The following PDE7B variants were observed in gnomAD, a reference collection of about 807,000 sequenced individuals.
The protein encoded by PDE7B is phosphodiesterase 7B.
Under a neutral mutation model 56.2 loss-of-function variants are expected in PDE7B, and 29 were observed. The ratio of observed to expected loss-of-function variants is 0.52; its 90% CI spans 0.38 to 0.70. The LOEUF (loss-of-function observed/expected upper bound fraction) is 0.70, where lower values mean the gene tolerates loss of function less well. Ranked by LOEUF, PDE7B falls within the 30% of genes least tolerant of loss-of-function variation. The pLI is 0.00. For missense variants in PDE7B, 490 were observed against 565.0 expected (o/e 0.87, Z 1.35); for synonymous variants, 197 against 196.9 (o/e 1.00, Z 0.00).
intron 8 of PDE7B, among the ~76,000 whole-genome samples, chr6:136,171,466 G>T (rs1173554572): frequency 1.3e-5 from 2 of 152,134 alleles, no homozygotes; most frequent in Non-Finnish European, 1.5e-5. Flanking sequence ...CAGCTACCCT[G>T]GTGGTTTGGG....
rs149480102 is a variant in PDE7B at position 136,170,521 on chromosome 6, C to G, written c.712-3276C>G. ...TTCTGTCTCTAAGACTGTGGCTACTCTAGGTACCTCATACACATGAAATTA... is the reference window on the plus strand; with the variant it reads ...TTCTGTCTCTAAGACTGTGGCTACTGTAGGTACCTCATACACATGAAATTA... On this transcript the variant is annotated intron_variant, in intron 8 of 12. Coordinates refer to ENST00000308191, the MANE Select transcript of PDE7B (RefSeq NM_018945.4). Among the ~76,000 whole-genome samples the G allele has an allele frequency of 4.1e-3, 617 of 152,278 alleles. 21 individuals are homozygous for G. Among genetic ancestry groups the G allele is most frequent in the Admixed American group, 0.037 (572 of 15,288 alleles).
chr6:136,068,171 A>G (rs1776978506), intron 2 of PDE7B, among the ~76,000 whole-genome samples: 1 of 152,228 alleles, frequency 6.6e-6, no homozygotes, highest in Non-Finnish European at 1.5e-5. Context: ...CATGTGCCCA[A>G]GGTGGTCAGG....
intron 1 of PDE7B, among the ~76,000 whole-genome samples, chr6:135,926,176 T>C (rs1301647916): frequency 1.4e-5 from 2 of 138,922 alleles, no homozygotes; most frequent in Non-Finnish European, 3.1e-5. Context: ...AAGCTCCGCC[T>C]CCTGGGTTCA....
intron 2 of PDE7B, among the ~76,000 whole-genome samples, chr6:136,041,392 A>G (rs1776410823): frequency 6.6e-6 from 1 of 152,230 alleles, no homozygotes; most frequent in Admixed American, 6.5e-5. Context: ...AAATACGCTG[A>G]ATTAGGAGTA....
intron 10 of PDE7B, among the ~76,000 whole-genome samples, chr6:136,179,490 G>A (rs181007378): frequency 3.0e-4 from 46 of 152,290 alleles, no homozygotes; most frequent in Admixed American, 1.4e-3. Flanking sequence ...AGTTATAAGT[G>A]GTTCCCAACT....
chr6:135,995,517 C>T (rs960024401), intron 2 of PDE7B, among the ~76,000 whole-genome samples: 2 of 152,130 alleles, frequency 1.3e-5, no homozygotes, highest in Non-Finnish European at 2.9e-5. Context: ...GGGGTAACAG[C>T]AGAAAATGAA....
At chr6:135,964,439 G>A (rs1562454292) in intron 2 of PDE7B, among the ~76,000 whole-genome samples, 1 of 152,048 alleles carries the variant, frequency 6.6e-6, no homozygotes, top group Non-Finnish European at 1.5e-5. Context: ...TCATCATACT[G>A]GAGGGAAAAT....
chr6:135,942,719 A>G (rs1472630331), intron 1 of PDE7B, among the ~76,000 whole-genome samples: 1 of 152,106 alleles, frequency 6.6e-6, no homozygotes, highest in African/African-American at 2.4e-5. Context: ...ATTTTTTTGA[A>G]TTCAACATAG....
At chr6:136,107,627 G>A (rs557645892) in intron 2 of PDE7B, among the ~76,000 whole-genome samples, 1 of 152,256 alleles carries the variant, frequency 6.6e-6, no homozygotes, top group Non-Finnish European at 1.5e-5. Context: ...ACTTCGAAGT[G>A]GGTCTTAACT....
At chr6:136,052,285 C>T (rs528389441) in intron 2 of PDE7B, among the ~76,000 whole-genome samples, 12 of 152,172 alleles carry the variant, frequency 7.9e-5, no homozygotes, top group Middle Eastern at 3.4e-3. Context: ...AAAGGGGAAG[C>T]AAAAATGATT....
chr6:136,038,056 G>T, intron 2 of PDE7B: 1 of 1,336,300 alleles, frequency 7.5e-7, no homozygotes. Flanking sequence ...CGCTCTCGTC[G>T]GCAGTGTTTG....
rs547981764 is a variant in PDE7B, at chr6:135,960,173, T to C, written c.82+12649T>C. On this transcript the variant is annotated intron_variant, in intron 2 of 12. Transcript: ENST00000308191. ...TCCCAGACTGGTCTACTTCCTAGGATTCTAGAATTTTGACGGACAGGTCTC... is the reference window on the plus strand; with the variant it reads ...TCCCAGACTGGTCTACTTCCTAGGACTCTAGAATTTTGACGGACAGGTCTC... 3.3e-5 allele frequency among the ~76,000 whole-genome samples: 5 copies of C among 152,296 alleles called. No homozygotes were observed. In the South Asian group the frequency reaches 1.0e-3, roughly 32 times the overall value.
chr6:135,886,994 AGT>A (rs895407215), intron 1 of PDE7B, among the ~76,000 whole-genome samples: 1 of 152,140 alleles, frequency 6.6e-6, no homozygotes, highest in Non-Finnish European at 1.5e-5. Context: ...GCAGTATAAA[AGT>A]GTTCCCTTTT....
At chr6:135,970,830 G>T (rs1164638183) in intron 2 of PDE7B, among the ~76,000 whole-genome samples, 3 of 152,140 alleles carry the variant, frequency 2.0e-5, no homozygotes, top group African/African-American at 7.2e-5. Flanking sequence ...CGAGACGTTT[G>T]GATCCAGGCA....
intron 2 of PDE7B, among the ~76,000 whole-genome samples, chr6:136,003,824 A>G (rs560180399): frequency 3.3e-5 from 5 of 152,234 alleles, no homozygotes; most frequent in Non-Finnish European, 7.3e-5. Context: ...TCAATAGAAA[A>G]AGAGGGAATC....
chr6:135,881,749 C>T (rs1775615339), intron 1 of PDE7B, among the ~76,000 whole-genome samples: 1 of 152,182 alleles, frequency 6.6e-6, no homozygotes, highest in South Asian at 2.1e-4. Flanking sequence ...TAGATTATTT[C>T]CTCTCTTTCT....
chr6:135,914,081 G>T (rs1776255510), intron 1 of PDE7B, among the ~76,000 whole-genome samples: 1 of 152,150 alleles, frequency 6.6e-6, no homozygotes, highest in Non-Finnish European at 1.5e-5. Context: ...ATTGTCTGTG[G>T]CTTTAAGCCT....
intron 11 of PDE7B, 78 bp from the exon 12 acceptor site, chr6:136,186,958 G>T: frequency 1.3e-6 from 1 of 799,604 alleles, no homozygotes; most frequent in Non-Finnish European, 2.2e-6. Context: ...CTTCCGACGA[G>T]GTCATTAAAA....
At chr6:135,953,793 A>AGG (rs1479700004) in intron 2 of PDE7B, among the ~76,000 whole-genome samples, 7 of 152,172 alleles carry the variant, frequency 4.6e-5, no homozygotes, top group African/African-American at 1.7e-4. Flanking sequence ...TATTGTAAAG[A>AGG]TTATTTTGCG....
Sources: gnomAD v4.1 joint callset for allele counts (sites outside exome capture counted in the v4.1 genomes callset) on GRCh38, gnomAD v4.1.1 for gene constraint, MANE v1.5 for transcripts, NCBI Gene and HGNC (gene_info 2026-07-23, HGNC 2026-07-21) for gene names.